The following PRR16 variants were observed in gnomAD, a reference collection of about 807,000 sequenced individuals.
The protein encoded by PRR16 is proline rich 16, also known as protein Largen.
In PRR16, 6 loss-of-function variants were observed where a neutral mutation model predicts 18.2. The ratio of observed to expected loss-of-function variants is 0.33; its 90% CI spans 0.18 to 0.65. PRR16 has a LOEUF of 0.65. Ranked by LOEUF, PRR16 falls within the 30% of genes least tolerant of loss-of-function variation. PRR16 has a pLI of 0.74. For synonymous variants in PRR16, 151 were observed against 147.8 expected (o/e 1.02, Z -0.16); for missense variants, 412 against 376.6 (o/e 1.09, Z -0.78).
intron 1 of PRR16, among the ~76,000 whole-genome samples, chr5:120,474,037 AG>A (rs1474106963): frequency 2.0e-5 from 3 of 152,154 alleles, no homozygotes; most frequent in Non-Finnish European, 4.4e-5. Context: ...ATAGTGGACA[AG>A]TTTCCCATGC....
At chr5:120,739,406 T>C in the PRR16 span, among the ~76,000 whole-genome samples, 1 of 152,186 alleles carries the variant, frequency 6.6e-6, no homozygotes, top group Admixed American at 6.6e-5. Context: ...TTTACATGGT[T>C]ATAAGAGGGC....
the PRR16 span, among the ~76,000 whole-genome samples, chr5:120,785,513 TATTTG>T: frequency 2.0e-5 from 3 of 151,870 alleles, no homozygotes; most frequent in African/African-American, 7.3e-5. Context: ...TCAGATTAAT[TATTTG>T]ATTTACTTGT....
chr5:120,656,787 CTGTT>C (rs759943696), intron 1 of PRR16, among the ~76,000 whole-genome samples: 20 of 152,000 alleles, frequency 1.3e-4, no homozygotes, highest in Admixed American at 4.6e-4. Context: ...CTGTAGTAAA[CTGTT>C]TGGGAATTTA....
At position 120,666,226 on chromosome 5, in the gene PRR16, A is replaced by T. The variant is rs561727754; in HGVS notation, c.160-19728A>T. Among the ~76,000 whole-genome samples the T allele has an allele frequency of 5.1e-3, 774 of 152,280 alleles. 1 individual carries two copies. Among genetic ancestry groups the T allele is most frequent in the African/African-American group, 0.018 (741 of 41,556 alleles). ...TTTTATTCTCTTTGAAGCAATTGTG[A>T]ATGGGAATTCACTCATGATTTGGCT... On this transcript the variant is annotated intron_variant, in intron 1 of 1. Coordinates refer to ENST00000407149, the MANE Select transcript of PRR16 (RefSeq NM_001300783.2).
At chr5:120,754,301 T>G in the PRR16 span, among the ~76,000 whole-genome samples, 1 of 94,818 alleles carries the variant, frequency 1.1e-5, no homozygotes, top group Non-Finnish European at 1.8e-5. Flanking sequence ...ATATATAATA[T>G]ATAATATATA....
chr5:120,516,452 A>T (rs1471441384), intron 1 of PRR16, among the ~76,000 whole-genome samples: 1 of 145,974 alleles, frequency 6.9e-6, no homozygotes. Context: ...AAAAAGCAAG[A>T]TGTCTTGTGA....
intron 1 of PRR16, among the ~76,000 whole-genome samples, chr5:120,548,707 A>T (rs1752152906): frequency 6.7e-6 from 1 of 149,110 alleles, no homozygotes; most frequent in Non-Finnish European, 1.5e-5. Context: ...AGGGCTTGAC[A>T]TGTTCTTTTC....
the PRR16 span, among the ~76,000 whole-genome samples, chr5:120,757,747 G>A: frequency 9.0e-4 from 137 of 152,066 alleles, no homozygotes; most frequent in Middle Eastern, 3.4e-3. Flanking sequence ...GTGAATTGGC[G>A]ATGTGTAACT....
At chr5:120,772,182 A>T in the PRR16 span, among the ~76,000 whole-genome samples, 1 of 152,120 alleles carries the variant, frequency 6.6e-6, no homozygotes, top group East Asian at 1.9e-4. Flanking sequence ...CAATATGCAA[A>T]ACTCAAAACA....
At chr5:120,713,764 G>A in the PRR16 span, among the ~76,000 whole-genome samples, 2 of 151,978 alleles carry the variant, frequency 1.3e-5, no homozygotes, top group Non-Finnish European at 2.9e-5. Context: ...GTTAATAATT[G>A]TTAAGATTAA....
the PRR16 span, among the ~76,000 whole-genome samples, chr5:120,775,574 C>T: frequency 6.6e-6 from 1 of 150,482 alleles, no homozygotes; most frequent in African/African-American, 2.4e-5. Flanking sequence ...ATTCTTCACA[C>T]CACTGGATAG....
intron 1 of PRR16, among the ~76,000 whole-genome samples, chr5:120,638,508 A>G (rs2112852353): frequency 6.6e-6 from 1 of 152,238 alleles, no homozygotes; most frequent in East Asian, 1.9e-4. Flanking sequence ...CCATTTATTG[A>G]CTTATTTAAG....
chr5:120,497,634 C>G (rs1014540404), intron 1 of PRR16, among the ~76,000 whole-genome samples: 19 of 151,834 alleles, frequency 1.3e-4, no homozygotes, highest in African/African-American at 4.3e-4. Context: ...TGTGATCTGC[C>G]CACCTCAGCT....
At chr5:120,505,859 T>A (rs1554079083) in intron 1 of PRR16, among the ~76,000 whole-genome samples, 2 of 151,722 alleles carry the variant, frequency 1.3e-5, no homozygotes, top group Non-Finnish European at 2.9e-5. Context: ...TGTATGTATA[T>A]ACACACACGC....
chr5:120,476,778 C>G (rs923735096), intron 1 of PRR16, among the ~76,000 whole-genome samples: 1 of 152,092 alleles, frequency 6.6e-6, no homozygotes, highest in African/African-American at 2.4e-5. Context: ...CTAAAAATTA[C>G]TATCTGATTT....
intron 1 of PRR16, among the ~76,000 whole-genome samples, chr5:120,506,134 A>G (rs1310513329): frequency 1.3e-5 from 2 of 151,982 alleles, no homozygotes; most frequent in Non-Finnish European, 2.9e-5. Flanking sequence ...AAGTACACAA[A>G]TACATATTCT....
intron 1 of PRR16, among the ~76,000 whole-genome samples, chr5:120,611,820 G>C (rs1754343940): frequency 6.6e-6 from 1 of 152,216 alleles, no homozygotes; most frequent in African/African-American, 2.4e-5. Flanking sequence ...ATGCCTAGTG[G>C]AGCTGTGAGA....
At chr5:120,747,950 A>G in the PRR16 span, among the ~76,000 whole-genome samples, 1 of 152,088 alleles carries the variant, frequency 6.6e-6, no homozygotes, top group African/African-American at 2.4e-5. Flanking sequence ...ACATTTTAGA[A>G]TTACTTCTTT....
At chr5:120,594,442 A>G (rs936597128) in intron 1 of PRR16, among the ~76,000 whole-genome samples, 3 of 151,992 alleles carry the variant, frequency 2.0e-5, no homozygotes, top group African/African-American at 7.2e-5. Context: ...AACACTGCTG[A>G]AAAGAAATCA....
Sources: allele counts gnomAD v4.1 joint callset (sites outside exome capture counted in the v4.1 genomes callset), GRCh38; gene constraint gnomAD v4.1.1; transcripts MANE v1.5; gene names NCBI Gene and HGNC (gene_info 2026-07-23, HGNC 2026-07-21).